Variants in ADGB observed in about 807,000 individuals in gnomAD.
ADGB encodes androglobin, also known as calpain-7-like protein.
In ADGB, 172 loss-of-function variants were observed where a neutral mutation model predicts 210.5. The observed-to-expected ratio is 0.82, with a 90% confidence interval of 0.72 to 0.93. ADGB has a LOEUF of 0.93. Among genes scored for constraint, ADGB ranks in the 40% least tolerant of loss-of-function variants. ADGB has a pLI of 0.00. For missense variants in ADGB, 2,025 were observed against 1,964.8 expected (o/e 1.03, Z -0.58); for synonymous variants, 658 against 662.7 (o/e 0.99, Z 0.11).
chr6:146,782,250 C>G, intron 30 of ADGB, 58 bp downstream of exon 30: 2 of 1,388,002 alleles, frequency 1.4e-6, no homozygotes, highest in Non-Finnish European at 9.5e-7. Context: ...CAGTGGATTC[C>G]TATTTGCCTA....
intron 16 of ADGB, 92 bp from the exon 17 acceptor site, chr6:146,721,311 C>A (rs1339857839): frequency 1.2e-6 from 1 of 802,850 alleles, no homozygotes; most frequent in Non-Finnish European, 2.0e-6. Flanking sequence ...TTTCCTGTAA[C>A]TCTTAGATGT....
At position 146,686,734 on chromosome 6, in the gene ADGB, C is replaced by T. The variant is rs1029087423; in HGVS notation, c.1311+906C>T. Among the ~76,000 whole-genome samples, 5 of 152,114 alleles carry T rather than the reference C, an allele frequency of 3.3e-5. No homozygotes were observed. The East Asian group carries it at 7.7e-4, about 24-fold the overall frequency. On this transcript the variant is annotated intron_variant, in intron 10 of 35. Coordinates refer to ENST00000397944, the MANE Select transcript of ADGB (RefSeq NM_024694.4). ...TACTGCTTTTGGGGTTTTTGAATCC[C>T]AATTCTGTTTGGGAACTGTAGACAT...
chr6:146,668,051 C>T (rs1050091361), intron 7 of ADGB, among the ~76,000 whole-genome samples: 2 of 152,054 alleles, frequency 1.3e-5, no homozygotes, highest in Admixed American at 6.6e-5. Flanking sequence ...AGAATAGAGA[C>T]ATTGCTCAAC....
chr6:146,770,521 G>A, intron 29 of ADGB: 1 of 458,660 alleles, frequency 2.2e-6, no homozygotes, highest in Non-Finnish European at 4.6e-6. Flanking sequence ...TTCTTCCTCG[G>A]TCTCATCATT....
chr6:146,728,477 T>G, intron 19 of ADGB, 97 bp from the exon 20 acceptor site: 2 of 1,204,824 alleles, frequency 1.7e-6, no homozygotes, highest in Admixed American at 5.1e-5. Context: ...TATTGAATCA[T>G]ATAGCAGAGA....
chr6:146,640,904 C>A (rs1313481214), intron 2 of ADGB, among the ~76,000 whole-genome samples: 1 of 151,800 alleles, frequency 6.6e-6, no homozygotes, highest in Non-Finnish European at 1.5e-5. Context: ...TATTGGAAGT[C>A]CTAGCCAGAG....
At chr6:146,766,926 C>T (rs1777585564) in intron 28 of ADGB, among the ~76,000 whole-genome samples, 1 of 152,142 alleles carries the variant, frequency 6.6e-6, no homozygotes, top group East Asian at 1.9e-4. Context: ...GAAAATCTAT[C>T]AGTATTAGTC....
chr6:146,679,078 T>C (rs1291118742), intron 9 of ADGB, among the ~76,000 whole-genome samples: 4 of 152,138 alleles, frequency 2.6e-5, no homozygotes, highest in African/African-American at 9.7e-5. Flanking sequence ...CAAGCTGTAT[T>C]GTATATCACT....
chr6:146,710,943 T>C (rs902104559), intron 13 of ADGB, among the ~76,000 whole-genome samples: 2 of 152,176 alleles, frequency 1.3e-5, no homozygotes, highest in African/African-American at 4.8e-5. Flanking sequence ...CCTGTGAAAA[T>C]GCCTAGCATA....
At chr6:146,721,564 G>A (rs759965309) in intron 17 of ADGB, 59 bp downstream of exon 17, 28 of 285,054 alleles carry the variant, frequency 9.8e-5, no homozygotes, top group East Asian at 2.7e-4. Flanking sequence ...AGGCTAGGGC[G>A]TGGTGGCTCA....
intron 7 of ADGB, among the ~76,000 whole-genome samples, chr6:146,671,775 G>C (rs774326145): frequency 6.6e-6 from 1 of 152,196 alleles, no homozygotes; most frequent in Non-Finnish European, 1.5e-5. Flanking sequence ...AACCAGGAAA[G>C]AGGGATGTTA....
At chr6:146,669,867 T>C (rs1775983765) in intron 7 of ADGB, among the ~76,000 whole-genome samples, 1 of 152,096 alleles carries the variant, frequency 6.6e-6, no homozygotes, top group Non-Finnish European at 1.5e-5. Context: ...ACTCAGAATA[T>C]CCAGAAAGGA....
chr6:146,694,321 A>G (rs1199963879), intron 12 of ADGB, among the ~76,000 whole-genome samples: 5 of 152,116 alleles, frequency 3.3e-5, no homozygotes, highest in African/African-American at 7.2e-5. Flanking sequence ...AGCAGAGTCA[A>G]TTTCTGGCAA....
chr6:146,770,656 T>C (rs1490273905), intron 29 of ADGB: 2 of 460,708 alleles, frequency 4.3e-6, no homozygotes, highest in Non-Finnish European at 9.1e-6. Context: ...GTGGGCAAGA[T>C]TCTGAGGCTG....
chr6:146,741,129 T>G lies in ADGB; in HGVS notation c.3035T>G (p.Leu1012Trp). Residue 1012 changes from leucine to tryptophan, a missense_variant, in exon 25 of 36, where the codon TTG (leucine) becomes TGG (tryptophan). Coordinates refer to ENST00000397944, the MANE Select transcript of ADGB (RefSeq NM_024694.4). Reference sequence around the variant, plus strand: ...TTTTGTAATTACAGAGAAACATTTTTGGTTCATCAAGACATGATTTTGGTT... The same window carrying G: ...TTTTGTAATTACAGAGAAACATTTTGGGTTCATCAAGACATGATTTTGGTT... ...SWFIVFRETFLVHQDMILVPK... is the reference protein window; with the variant it reads ...SWFIVFRETFWVHQDMILVPK... The G allele has an allele frequency of 1.3e-6, 2 of 1,519,956 alleles. No homozygotes were observed. The highest frequency in any genetic ancestry group is 2.6e-5 in the South Asian group (2 of 77,416). The allele number at this position is 1,519,956 out of a possible 1,614,324, so 94.2% of individuals were successfully genotyped here.
chr6:146,643,861 C>A (rs1477006777), intron 2 of ADGB, among the ~76,000 whole-genome samples: 1 of 151,864 alleles, frequency 6.6e-6, no homozygotes, highest in African/African-American at 2.4e-5. Context: ...TTGGATGAAT[C>A]TCCAGAGAAT....
At chr6:146,722,533 C>T (rs1776833531) in intron 17 of ADGB, among the ~76,000 whole-genome samples, 1 of 152,176 alleles carries the variant, frequency 6.6e-6, no homozygotes, top group Non-Finnish European at 1.5e-5. Flanking sequence ...CTGGCTAGCC[C>T]TGCTTACATT....
chr6:146,630,147 G>T (rs1165909317), intron 1 of ADGB, among the ~76,000 whole-genome samples: 1 of 152,098 alleles, frequency 6.6e-6, no homozygotes, highest in Non-Finnish European at 1.5e-5. Context: ...TGAAGGAGGA[G>T]AATCGCTTGA....
intron 3 of ADGB, among the ~76,000 whole-genome samples, chr6:146,649,183 T>C (rs1372462436): frequency 1.3e-5 from 2 of 149,706 alleles, no homozygotes; most frequent in African/African-American, 4.9e-5. Context: ...TTGCTAAACA[T>C]TTATGAAGTC....
Sources: gnomAD v4.1 joint callset for allele counts (sites outside exome capture counted in the v4.1 genomes callset) on GRCh38, gnomAD v4.1.1 for gene constraint, MANE v1.5 for transcripts, NCBI Gene and HGNC (gene_info 2026-07-23, HGNC 2026-07-21) for gene names.